The following TGFA variants were observed in gnomAD, a reference collection of about 807,000 sequenced individuals.
TGFA encodes the protein protransforming growth factor alpha.
Under a neutral mutation model 21.7 loss-of-function variants are expected in TGFA, and 12 were observed. That is an observed-to-expected ratio of 0.55 (90% CI 0.35 to 0.90). The LOEUF (loss-of-function observed/expected upper bound fraction) is 0.90, where lower values mean the gene tolerates loss of function less well. Ranked by LOEUF, TGFA falls within the 40% of genes least tolerant of loss-of-function variation. The pLI, the probability that TGFA is intolerant of heterozygous loss-of-function variation, is 0.01. For missense variants in TGFA, 178 were observed against 210.8 expected, an observed-to-expected ratio of 0.84 and a Z score of 0.96; for synonymous variants, 79 against 88.1, an observed-to-expected ratio of 0.90 and a Z score of 0.58.
intron 1 of TGFA, among the ~76,000 whole-genome samples, chr2:70,535,433 A>C (rs1275362742): frequency 2.0e-5 from 3 of 152,262 alleles, no homozygotes; most frequent in African/African-American, 7.2e-5. Flanking sequence ...ATGTAGATAC[A>C]TAGCATCTCC....
At chr2:70,551,311 T>C (rs1171378250) in intron 1 of TGFA, among the ~76,000 whole-genome samples, 1 of 152,160 alleles carries the variant, frequency 6.6e-6, no homozygotes, top group African/African-American at 2.4e-5. Flanking sequence ...AAACCTGACA[T>C]GGGAGGGCAG....
chr2:70,469,023 T>C (rs1310703575), intron 2 of TGFA, among the ~76,000 whole-genome samples: 1 of 152,158 alleles, frequency 6.6e-6, no homozygotes, highest in Non-Finnish European at 1.5e-5. Flanking sequence ...GATGTACATG[T>C]TCAAAAAGGC....
chr2:70,467,854 C>T (rs1670616807), intron 2 of TGFA, among the ~76,000 whole-genome samples: 1 of 152,144 alleles, frequency 6.6e-6, no homozygotes, highest in African/African-American at 2.4e-5. Context: ...GCTAAAAATA[C>T]AACAGAATCC....
At chr2:70,549,101 C>A (rs1553506412) in intron 1 of TGFA, among the ~76,000 whole-genome samples, 1 of 152,144 alleles carries the variant, frequency 6.6e-6, no homozygotes, top group African/African-American at 2.4e-5. Context: ...CAACGGTCAG[C>A]TTTTGGTAAT....
At chr2:70,470,929 A>G (rs1670723936) in intron 2 of TGFA, among the ~76,000 whole-genome samples, 1 of 152,160 alleles carries the variant, frequency 6.6e-6, no homozygotes, top group African/African-American at 2.4e-5. Context: ...ACATTTTCTC[A>G]TTACAAAAGT....
At chr2:70,529,628 T>C (rs1553503499) in intron 1 of TGFA, among the ~76,000 whole-genome samples, 2 of 150,596 alleles carry the variant, frequency 1.3e-5, no homozygotes, top group Non-Finnish European at 3.0e-5. Flanking sequence ...GTGGCTGCTG[T>C]GGCTGGGGGA....
At chr2:70,472,686 C>G (rs578235084) in intron 2 of TGFA, among the ~76,000 whole-genome samples, 25 of 152,318 alleles carry the variant, frequency 1.6e-4, no homozygotes, top group African/African-American at 4.6e-4. Context: ...CGCAATCACC[C>G]CCTTTAAAAG....
Position 70,538,185 on chromosome 2 carries a change from C to A in TGFA, c.40+15543G>T, listed in dbSNP as rs78073966. Reference sequence around the variant, plus strand: ...AGATCTACTGCTCAGAAAAAAAAAGCATTTCTTTCAAAATGTTACTATTCA... The same window carrying A: ...AGATCTACTGCTCAGAAAAAAAAAGAATTTCTTTCAAAATGTTACTATTCA... On this transcript the variant is annotated intron_variant, in intron 1 of 5. Transcript: ENST00000295400. 8.3e-3 allele frequency among the ~76,000 whole-genome samples: 1,256 copies of A among 152,226 alleles called. 20 individuals are homozygous for A. Among genetic ancestry groups the A allele is most frequent in the African/African-American group, 0.029 (1,195 of 41,544 alleles).
rs3771523 is a variant in TGFA at position 70,450,336 on chromosome 2, C to T, written c.*523G>A. 0.14 allele frequency: 21,097 copies of T among 152,746 alleles called. 1,767 individuals carry two copies. The highest frequency in any genetic ancestry group is 0.27 in the Admixed American group (4,125 of 15,370). The allele number at this position is 152,746 out of a possible 1,614,324, so 9.5% of individuals were successfully genotyped here. A position where few individuals can be genotyped will look rare whatever the true frequency, so the allele number is the denominator to read the frequency against. On this transcript the variant is annotated 3_prime_UTR_variant, in exon 6 of 6. Transcript: ENST00000295400. The stretch of plus-strand genomic sequence containing the variant: ...AAGATGTTGGGCTGGTTGAGGGTCT[C>T]GTGGTTAGAGGATACAGCTTCTCTT...
At chr2:70,534,990 G>T (rs1189476500) in intron 1 of TGFA, among the ~76,000 whole-genome samples, 1 of 152,106 alleles carries the variant, frequency 6.6e-6, no homozygotes, top group African/African-American at 2.4e-5. Context: ...GCTACTTGCT[G>T]GCAGAGGGAA....
intron 1 of TGFA, among the ~76,000 whole-genome samples, chr2:70,539,628 T>C (rs1673080211): frequency 6.6e-6 from 1 of 152,134 alleles, no homozygotes; most frequent in Non-Finnish European, 1.5e-5. Flanking sequence ...CTAATTTTTA[T>C]ATTTTTAGTA....
intron 2 of TGFA, among the ~76,000 whole-genome samples, chr2:70,474,004 T>A (rs1167928064): frequency 3.3e-5 from 5 of 152,178 alleles, no homozygotes; most frequent in Non-Finnish European, 5.9e-5. Flanking sequence ...AAAGAGAACA[T>A]ATTTTTCCTA....
intron 3 of TGFA, among the ~76,000 whole-genome samples, chr2:70,459,469 C>T (rs142046625): frequency 7.9e-4 from 120 of 152,274 alleles, no homozygotes; most frequent in Non-Finnish European, 1.4e-3. Flanking sequence ...TGGGTTAATG[C>T]AGACTGGTTT....
chr2:70,553,668 G>C (rs1673587311), intron 1 of TGFA, 60 bp downstream of exon 1: 2 of 1,330,940 alleles, frequency 1.5e-6, no homozygotes, highest in Non-Finnish European at 9.6e-7. Flanking sequence ...GGAACTCGGC[G>C]GGGACCGGGG....
intron 2 of TGFA, among the ~76,000 whole-genome samples, chr2:70,494,840 T>C (rs1671534198): frequency 6.6e-6 from 1 of 152,238 alleles, no homozygotes; most frequent in Non-Finnish European, 1.5e-5. Flanking sequence ...ATTTTTGTTA[T>C]TGGTGTGTGA....
At chr2:70,495,416 T>A (rs2103797310) in intron 2 of TGFA, among the ~76,000 whole-genome samples, 2 of 152,372 alleles carry the variant, frequency 1.3e-5, no homozygotes, top group South Asian at 4.1e-4. Context: ...TAGAATCATT[T>A]AGTTAAGTTC....
At chr2:70,511,061 A>T (rs1455022869) in intron 2 of TGFA, among the ~76,000 whole-genome samples, 2 of 152,204 alleles carry the variant, frequency 1.3e-5, no homozygotes, top group African/African-American at 4.8e-5. Context: ...TTTGATTAGC[A>T]CATGGAGTTT....
At chr2:70,531,928 A>T (rs1028777647) in intron 1 of TGFA, among the ~76,000 whole-genome samples, 3 of 152,158 alleles carry the variant, frequency 2.0e-5, no homozygotes, top group African/African-American at 7.2e-5. Context: ...CTTGAAACAC[A>T]CCCACACTCT....
intron 2 of TGFA, among the ~76,000 whole-genome samples, chr2:70,495,094 G>T (rs1671540541): frequency 1.3e-5 from 2 of 152,130 alleles, no homozygotes; most frequent in South Asian, 4.1e-4. Context: ...CAATCACCTA[G>T]AACTTATTTT....
Sources: gnomAD v4.1 joint callset for allele counts (sites outside exome capture counted in the v4.1 genomes callset) on GRCh38, gnomAD v4.1.1 for gene constraint, MANE v1.5 for transcripts, NCBI Gene and HGNC (gene_info 2026-07-23, HGNC 2026-07-21) for gene names.